ANAPC16: variants seen among roughly 807,000 people sequenced by gnomAD.
ANAPC16 encodes anaphase promoting complex subunit 16, also known as anaphase-promoting complex subunit 16.
In ANAPC16, 6 loss-of-function variants were observed where a neutral mutation model predicts 13.1. That is an observed-to-expected ratio of 0.46 (90% CI 0.25 to 0.90). The LOEUF (loss-of-function observed/expected upper bound fraction) is 0.90. Among genes scored for constraint, ANAPC16 ranks in the 40% least tolerant of loss-of-function variants. ANAPC16 has a pLI of 0.18. For missense variants in ANAPC16, 113 were observed against 131.1 expected, an observed-to-expected ratio of 0.86 and a Z score of 0.67; for synonymous variants, 55 against 51.3, an observed-to-expected ratio of 1.07 and a Z score of -0.31.
In ANAPC16 at chr10:72,230,404, T is replaced by C; in HGVS notation, c.181T>C (p.Tyr61His). The C allele has an allele frequency of 6.2e-7, 1 of 1,614,160 alleles. No individual in the cohort carries two copies. The highest frequency in any genetic ancestry group is 8.5e-7 in the Non-Finnish European group (1 of 1,180,006). ...ERFLCESVFS[Y>H]QVASTLKQVK... ...ATTCCTCTGCGAATCTGTTTTTAGC[T>C]ATCAAGTGGCATCCACGCTTAAACA... Residue 61 changes from tyrosine (Y) to histidine (H), a missense_variant, in exon 3 of 4, where the codon TAT becomes CAT. Coordinates refer to ENST00000299381, the MANE Select transcript of ANAPC16 (RefSeq NM_173473.4).
chr10:72,224,146 T>C (rs1015641647), intron 2 of ANAPC16, 90 bp downstream of exon 2: 28 of 1,303,742 alleles, frequency 2.1e-5, no homozygotes, highest in Non-Finnish European at 2.4e-5. Context: ...AAAGATGAGT[T>C]TGCCCTGATT....
At chr10:72,229,322 GT>G (rs11313857) in intron 2 of ANAPC16, among the ~76,000 whole-genome samples, 20,583 of 133,138 alleles carry the variant, frequency 0.15, 4,119 homozygotes, top group African/African-American at 0.46. Flanking sequence ...ATCTATAGTT[GT>G]TTTTTTTTTT....
At chr10:72,230,893 A>C (rs1399598164) in intron 3 of ANAPC16, among the ~76,000 whole-genome samples, 1 of 152,134 alleles carries the variant, frequency 6.6e-6, no homozygotes. Context: ...TCTGAAAAAC[A>C]AAAAAAGTTG....
intron 1 of ANAPC16, among the ~76,000 whole-genome samples, chr10:72,221,547 CTT>C (rs910872494): frequency 0.023 from 2,122 of 91,144 alleles, 35 homozygotes; most frequent in African/African-American, 0.1. Context: ...TTTTTCTTTT[CTT>C]TTTTTTTTTT....
intron 2 of ANAPC16, among the ~76,000 whole-genome samples, chr10:72,228,779 A>T (rs749951485): frequency 1.3e-5 from 2 of 152,246 alleles, no homozygotes; most frequent in Non-Finnish European, 2.9e-5. Flanking sequence ...AGTGAAATGC[A>T]GAGGTTCCTT....
In ANAPC16 at chr10:72,234,974, A is replaced by C. The variant is rs1589720911; in HGVS notation, c.*1858A>C. The C allele has an allele frequency of 6.6e-6, 1 of 152,310 alleles. No homozygotes were observed. Among genetic ancestry groups the C allele is most frequent in the East Asian group, 1.9e-4 (1 of 5,186 alleles). The allele number at this position is 152,310 out of a possible 1,614,324, so 9.4% of individuals were successfully genotyped here. A position where few individuals can be genotyped will look rare whatever the true frequency, so the allele number is the denominator to read the frequency against. ...AAGACCAGTCTGGCCGACATGGTGA[A>C]ACTCAGTCTCTATTGAAAATACAAA... On this transcript the variant is annotated 3_prime_UTR_variant, in exon 4 of 4. Coordinates refer to ENST00000299381, the MANE Select transcript of ANAPC16 (RefSeq NM_173473.4).
intron 2 of ANAPC16, 59 bp downstream of exon 2, chr10:72,224,115 A>G: frequency 7.0e-7 from 1 of 1,433,872 alleles, no homozygotes; most frequent in Admixed American, 2.2e-5. Context: ...TATTAATTGT[A>G]AAGAAGCTAT....
chr10:72,232,792 G>A (rs1860362072), intron 3 of ANAPC16, among the ~76,000 whole-genome samples: 1 of 151,836 alleles, frequency 6.6e-6, no homozygotes, highest in African/African-American at 2.4e-5. Flanking sequence ...TTTTTATAGA[G>A]ATGGGGTTTC....
intron 2 of ANAPC16, among the ~76,000 whole-genome samples, chr10:72,225,643 T>C (rs1860097061): frequency 6.6e-6 from 1 of 152,160 alleles, no homozygotes; most frequent in Non-Finnish European, 1.5e-5. Flanking sequence ...AACTCACGCC[T>C]GTAATCCCAG....
chr10:72,222,160 C>T (rs1191370640), intron 1 of ANAPC16, among the ~76,000 whole-genome samples: 1 of 150,420 alleles, frequency 6.6e-6, no homozygotes, highest in Non-Finnish European at 1.5e-5. Context: ...TGGCTCATGC[C>T]TGTAATCCCA....
At chr10:72,226,882 C>T (rs1369541498) in intron 2 of ANAPC16, among the ~76,000 whole-genome samples, 2 of 152,264 alleles carry the variant, frequency 1.3e-5, no homozygotes, top group African/African-American at 4.8e-5. Context: ...ATTAGTGATA[C>T]ATGTACTTCT....
In ANAPC16 at chr10:72,218,191, T is replaced by A. The variant is rs1450093747; in HGVS notation, c.-28+2053T>A. Among the ~76,000 whole-genome samples the A allele has an allele frequency of 8.3e-3, 862 of 104,162 alleles. 126 individuals carry two copies. The highest frequency in any genetic ancestry group is 0.045 in the African/African-American group (814 of 18,002). 68.3% of individuals were successfully genotyped at this position (104,162 alleles called of 152,430 possible). ...ATATATATATATATATATATATATA[T>A]ATATATATATATATATATATATATA... is the stretch of plus-strand genomic sequence containing the variant. On this transcript the variant is annotated intron_variant, in intron 1 of 3. Coordinates refer to ENST00000299381, the MANE Select transcript of ANAPC16 (RefSeq NM_173473.4).
At chr10:72,218,460 G>A (rs1292995984) in intron 1 of ANAPC16, among the ~76,000 whole-genome samples, 1 of 151,838 alleles carries the variant, frequency 6.6e-6, no homozygotes, top group African/African-American at 2.4e-5. Context: ...ATACCAACAA[G>A]CCATTGCTTC....
At chr10:72,224,612 CAA>C (rs66526217) in intron 2 of ANAPC16, among the ~76,000 whole-genome samples, 8,277 of 103,500 alleles carry the variant, frequency 0.08, 540 homozygotes, top group East Asian at 0.19. Context: ...GACTCTGTCT[CAA>C]AAAAAAAAAA....
At chr10:72,217,228 A>G in intron 1 of ANAPC16, 1 of 358,856 alleles carries the variant, frequency 2.8e-6, no homozygotes, top group Admixed American at 3.6e-5. Context: ...TAATCCTAGC[A>G]CTTTGGGAGG....
rs1240179920 is a variant in ANAPC16, at chr10:72,235,598, A to G, written c.*2482A>G. On this transcript the variant is annotated 3_prime_UTR_variant, in exon 4 of 4. Coordinates refer to ENST00000299381, the MANE Select transcript of ANAPC16 (RefSeq NM_173473.4). Reference sequence around the variant, plus strand: ...TTTTTAATAGTACTTATTAGCATCAACCATCTTGATAATCACCAAGGGAAA... The same window carrying G: ...TTTTTAATAGTACTTATTAGCATCAGCCATCTTGATAATCACCAAGGGAAA... 2 of 152,244 alleles carry G rather than the reference A, an allele frequency of 1.3e-5. No individual in the cohort carries two copies. Among genetic ancestry groups the G allele is most frequent in the African/African-American group, 4.8e-5 (2 of 41,468 alleles). The allele number at this position is 152,244 out of a possible 1,614,324, so 9.4% of individuals were successfully genotyped here.
intron 2 of ANAPC16, among the ~76,000 whole-genome samples, chr10:72,227,697 T>C (rs1405359940): frequency 1.3e-5 from 2 of 151,946 alleles, no homozygotes; most frequent in African/African-American, 4.8e-5. Flanking sequence ...ATACAATAAA[T>C]CTAACACACA....
intron 3 of ANAPC16, among the ~76,000 whole-genome samples, chr10:72,231,613 A>G (rs575462699): frequency 6.6e-5 from 10 of 152,220 alleles, no homozygotes; most frequent in Non-Finnish European, 1.0e-4. Context: ...CTGGAGTGCA[A>G]TGGCATGATC....
chr10:72,228,340 C>G (rs1860190476), intron 2 of ANAPC16, among the ~76,000 whole-genome samples: 1 of 152,198 alleles, frequency 6.6e-6, no homozygotes, highest in African/African-American at 2.4e-5. Flanking sequence ...TTAGAAACTG[C>G]CTTCCAGCCC....
Sources: gnomAD v4.1 joint callset for allele counts (sites outside exome capture counted in the v4.1 genomes callset) on GRCh38, gnomAD v4.1.1 for gene constraint, MANE v1.5 for transcripts, NCBI Gene and HGNC (gene_info 2026-07-23, HGNC 2026-07-21) for gene names.